Variants in GPR89A observed in about 807,000 individuals in gnomAD.
GPR89A encodes golgi pH regulator A.
GPR89A carries 16 observed loss-of-function variants against 52.0 expected under a neutral mutation model. The observed-to-expected ratio is 0.31, with a 90% CI of 0.21 to 0.47. GPR89A has a LOEUF of 0.47. GPR89A is among the 20% of genes least tolerant of loss of function. GPR89A has a pLI of 1.00. For missense variants in GPR89A, 135 were observed against 449.4 expected (o/e 0.30, Z 6.33); for synonymous variants, 55 against 150.9 (o/e 0.36, Z 4.66).
chr1:145,669,802 G>A, intron 13 of GPR89A, 32 bp from the exon 14 acceptor site: 1 of 1,265,036 alleles, frequency 7.9e-7, no homozygotes, highest in South Asian at 1.2e-5. Flanking sequence ...TACATTCAGA[G>A]TCACTTCTGG....
chr1:145,613,402 CA>C (rs1188254273), intron 1 of GPR89A, among the ~76,000 whole-genome samples: 7 of 152,108 alleles, frequency 4.6e-5, no homozygotes, highest in Admixed American at 3.9e-4. Context: ...TCCCATAACA[CA>C]TTTCTATAAT....
In GPR89A at chr1:145,666,060, T is replaced by C. The variant is rs1237736943; in HGVS notation, c.1095+409T>C. Among the ~76,000 whole-genome samples, 6 of 134,226 alleles carry C rather than the reference T, an allele frequency of 4.5e-5. No individual in the cohort carries two copies. In the East Asian group the frequency reaches 8.5e-4, roughly 19 times the overall value. 88.1% of individuals were successfully genotyped at this position (134,226 alleles called of 152,430 possible). Reference sequence around the variant, plus strand: ...TTAAGAATTCTGCCTCCTGAGACTTTAAACAACAGTGTCAAGGATTTAAAA... The same window carrying C: ...TTAAGAATTCTGCCTCCTGAGACTTCAAACAACAGTGTCAAGGATTTAAAA... On this transcript the variant is annotated intron_variant, in intron 12 of 13. Coordinates refer to ENST00000313835, the MANE Select transcript of GPR89A (RefSeq NM_001097612.2).
At chr1:145,646,486 A>G (rs1166422462) in intron 9 of GPR89A, 4 of 502,790 alleles carry the variant, frequency 8.0e-6, no homozygotes, top group African/African-American at 3.9e-5. Flanking sequence ...AAAAGTAGCA[A>G]TTGGTGGGAT....
In GPR89A at chr1:145,629,014, G is replaced by A. The variant is rs1280357635; in HGVS notation, c.416-1673G>A. Among the ~76,000 whole-genome samples the A allele has an allele frequency of 1.3e-5, 2 of 152,180 alleles. 1 individual carries two copies. Among genetic ancestry groups the A allele is most frequent in the African/African-American group, 4.8e-5 (2 of 41,454 alleles). On this transcript the variant is annotated intron_variant, in intron 5 of 13. Transcript: ENST00000313835. Reference sequence around the variant, plus strand: ...GAGACAGATGATGGAACAAGACTCTGAAAGAGGTGGAAGGGATTGAATACA... The same window carrying A: ...GAGACAGATGATGGAACAAGACTCTAAAAGAGGTGGAAGGGATTGAATACA...
intron 1 of GPR89A, among the ~76,000 whole-genome samples, chr1:145,613,585 T>C (rs1472675565): frequency 6.6e-6 from 1 of 151,788 alleles, no homozygotes; most frequent in African/African-American, 2.4e-5. Flanking sequence ...CTCTCAGTGA[T>C]TGGACATCCA....
Position 145,660,893 on chromosome 1 carries a change from T to C in GPR89A, c.910-2436T>C, listed in dbSNP as rs1186776549. 7.2e-5 allele frequency among the ~76,000 whole-genome samples: 11 copies of C among 151,856 alleles called. No individual in the cohort carries two copies. In the South Asian group the frequency reaches 2.1e-3, roughly 29 times the overall value. ...CTAGTTCAACCCTTGTGGAAGTCAG[T>C]GTGGCGATTCTTCAGGGATCTAGAA... On this transcript the variant is annotated intron_variant, in intron 10 of 13. Coordinates refer to ENST00000313835, the MANE Select transcript of GPR89A (RefSeq NM_001097612.2).
intron 1 of GPR89A, among the ~76,000 whole-genome samples, chr1:145,609,496 C>CT (rs1648101558): frequency 6.6e-6 from 1 of 152,178 alleles, no homozygotes; most frequent in Non-Finnish European, 1.5e-5. Context: ...AGACATGTAA[C>CT]TCTTCTGCTT....
At chr1:145,654,058 C>T (rs1433877686) in intron 10 of GPR89A, among the ~76,000 whole-genome samples, 3 of 152,142 alleles carry the variant, frequency 2.0e-5, no homozygotes, top group African/African-American at 4.8e-5. Flanking sequence ...TTCATAGTGT[C>T]ATTGCTTTGT....
chr1:145,609,429 A>G (rs587708013), intron 1 of GPR89A, among the ~76,000 whole-genome samples: 7 of 150,830 alleles, frequency 4.6e-5, no homozygotes, highest in Admixed American at 2.6e-4. Context: ...TATAGTTTTC[A>G]TAAGTATTGT....
intron 10 of GPR89A, among the ~76,000 whole-genome samples, chr1:145,662,828 C>T (rs1652294871): frequency 7.3e-6 from 1 of 136,390 alleles, no homozygotes; most frequent in African/African-American, 2.8e-5. Flanking sequence ...TTCATTGGTC[C>T]CATCTGTTCT....
intron 1 of GPR89A, among the ~76,000 whole-genome samples, chr1:145,612,657 G>A (rs587753810): frequency 2.6e-4 from 39 of 152,220 alleles, no homozygotes; most frequent in African/African-American, 8.4e-4. Flanking sequence ...TAGAGAGCCT[G>A]TAGTATAGTA....
At chr1:145,648,785 AG>A (rs1402148832) in intron 10 of GPR89A, among the ~76,000 whole-genome samples, 3 of 116,878 alleles carry the variant, frequency 2.6e-5, no homozygotes, top group Non-Finnish European at 3.4e-5. Flanking sequence ...CACCCGGCCT[AG>A]GGAAGCATGT....
intron 2 of GPR89A, among the ~76,000 whole-genome samples, chr1:145,617,188 A>G (rs1648766578): frequency 6.6e-6 from 1 of 152,114 alleles, no homozygotes; most frequent in Non-Finnish European, 1.5e-5. Flanking sequence ...TCTCTCCCAG[A>G]ATGCATTCCT....
At chr1:145,665,148 T>C (rs1481052630) in intron 11 of GPR89A, among the ~76,000 whole-genome samples, 25 of 152,070 alleles carry the variant, frequency 1.6e-4, no homozygotes, top group African/African-American at 6.0e-4. Context: ...GTATCATTAG[T>C]TCTGTTTTTT....
intron 10 of GPR89A, among the ~76,000 whole-genome samples, chr1:145,660,324 C>T (rs368015166): frequency 1.4e-4 from 21 of 152,190 alleles, no homozygotes; most frequent in East Asian, 1.4e-3. Flanking sequence ...AAGACTTAAA[C>T]GTTAGACCTA....
intron 10 of GPR89A, among the ~76,000 whole-genome samples, chr1:145,655,152 T>C (rs1418054326): frequency 2.0e-5 from 3 of 150,584 alleles, no homozygotes; most frequent in Non-Finnish European, 3.0e-5. Flanking sequence ...TCACATTGTT[T>C]ATGTTCCTTT....
chr1:145,611,094 T>A (rs1450205888), intron 1 of GPR89A, among the ~76,000 whole-genome samples: 21 of 152,264 alleles, frequency 1.4e-4, no homozygotes, highest in Non-Finnish European at 2.5e-4. Context: ...TCTGCTTTCT[T>A]TTTGGATCCT....
intron 5 of GPR89A, among the ~76,000 whole-genome samples, chr1:145,627,925 A>G (rs1329804896): frequency 6.6e-6 from 1 of 151,252 alleles, no homozygotes; most frequent in Non-Finnish European, 1.5e-5. Context: ...GGCAAGAGAT[A>G]GAATGGAAAG....
intron 10 of GPR89A, among the ~76,000 whole-genome samples, chr1:145,662,967 TAAAGCATTCAG>T (rs1559050459): frequency 6.6e-6 from 1 of 152,100 alleles, no homozygotes; most frequent in African/African-American, 2.4e-5. Flanking sequence ...TATTTGCTGT[TAAAGCATTCAG>T]AAAATAACCA....
Sources: gnomAD v4.1 joint callset for allele counts (sites outside exome capture counted in the v4.1 genomes callset) on GRCh38, gnomAD v4.1.1 for gene constraint, MANE v1.5 for transcripts, NCBI Gene and HGNC (gene_info 2026-07-23, HGNC 2026-07-21) for gene names.